The following TLN2 variants were observed in gnomAD, a reference collection of about 807,000 sequenced individuals.
The protein encoded by TLN2 is talin 2.
Under a neutral mutation model 294.7 loss-of-function variants are expected in TLN2, and 118 were observed. The ratio of observed to expected loss-of-function variants is 0.40; its 90% CI spans 0.34 to 0.47. The LOEUF (loss-of-function observed/expected upper bound fraction) is 0.47, where lower values mean the gene tolerates loss of function less well. TLN2 is among the 20% of genes least tolerant of loss of function. TLN2 has a pLI of 0.84. For missense variants in TLN2, 3,083 were observed against 3,282.2 expected (o/e 0.94, Z 1.48); for synonymous variants, 1,431 against 1,304.5 (o/e 1.10, Z -2.09).
At chr15:62,487,530 G>C (rs1156336678) in intron 1 of TLN2, among the ~76,000 whole-genome samples, 1 of 152,090 alleles carries the variant, frequency 6.6e-6, no homozygotes, top group African/African-American at 2.4e-5. Context: ...GTTCCCACTT[G>C]TCATTATAGA....
At chr15:62,546,777 C>A (rs984946343) in intron 1 of TLN2, among the ~76,000 whole-genome samples, 3 of 152,104 alleles carry the variant, frequency 2.0e-5, no homozygotes, top group Admixed American at 1.3e-4. Context: ...TCTCTAGCAG[C>A]CACATGGCTT....
intron 1 of TLN2, among the ~76,000 whole-genome samples, chr15:62,515,254 C>T (rs1356939222): frequency 6.6e-6 from 1 of 152,146 alleles, no homozygotes; most frequent in Admixed American, 6.5e-5. Flanking sequence ...GCTATTAGCT[C>T]AGCACTGTGT....
chr15:62,630,454 G>C (rs1356803095), intron 3 of TLN2, among the ~76,000 whole-genome samples: 1 of 152,162 alleles, frequency 6.6e-6, no homozygotes, highest in Non-Finnish European at 1.5e-5. Context: ...CGGTCATACT[G>C]GTGGGACTTA....
chr15:62,606,425 A>T (rs1342056917), intron 2 of TLN2, among the ~76,000 whole-genome samples: 1 of 152,064 alleles, frequency 6.6e-6, no homozygotes, highest in African/African-American at 2.4e-5. Context: ...AAATTATTGT[A>T]AATAATACCA....
intron 1 of TLN2, among the ~76,000 whole-genome samples, chr15:62,555,071 G>C (rs946402629): frequency 2.6e-5 from 4 of 151,986 alleles, no homozygotes; most frequent in Admixed American, 6.5e-5. Context: ...TACTCTTGGG[G>C]TGATTTTTGT....
At chr15:62,804,941 G>A (rs1011239284) in intron 50 of TLN2, among the ~76,000 whole-genome samples, 3 of 152,132 alleles carry the variant, frequency 2.0e-5, no homozygotes, top group Non-Finnish European at 4.4e-5. Context: ...CAGAACAGAT[G>A]AGCATGAAGC....
chr15:62,625,476 C>G (rs1229976691), intron 3 of TLN2, among the ~76,000 whole-genome samples: 2 of 152,104 alleles, frequency 1.3e-5, no homozygotes, highest in Non-Finnish European at 1.5e-5. Context: ...GTGGTTACAG[C>G]AAGAAATATG....
chr15:62,793,012 A>G (rs2065186553), intron 46 of TLN2, among the ~76,000 whole-genome samples: 1 of 152,204 alleles, frequency 6.6e-6, no homozygotes, highest in South Asian at 2.1e-4. Context: ...GGACTATCCC[A>G]TGAAGGTCAG....
In TLN2 at chr15:62,725,877, G is replaced by A. The variant is rs149246649; in HGVS notation, c.3255+773G>A. The stretch of plus-strand genomic sequence containing the variant: ...TTTGAGAGCTTCTGGCTCTTTGAAC[G>A]AACTGAAGACTTTTAGAATGTAAAG... On this transcript the variant is annotated intron_variant, in intron 27 of 58. Coordinates refer to ENST00000636159, the MANE Select transcript of TLN2 (RefSeq NM_015059.3). Among the ~76,000 whole-genome samples, 36 of 152,222 alleles carry A rather than the reference G, an allele frequency of 2.4e-4. No individual in the cohort carries two copies. In the East Asian group the frequency reaches 5.2e-3, roughly 22 times the overall value.
intron 25 of TLN2, among the ~76,000 whole-genome samples, chr15:62,721,422 T>A (rs1275008531): frequency 6.6e-6 from 1 of 152,186 alleles, no homozygotes; most frequent in Non-Finnish European, 1.5e-5. Context: ...ATGTTAAACA[T>A]TTTTCATAAG....
At chr15:62,712,365 CTAATT>C (rs1160031786) in intron 22 of TLN2, among the ~76,000 whole-genome samples, 1 of 152,172 alleles carries the variant, frequency 6.6e-6, no homozygotes, top group African/African-American at 2.4e-5. Flanking sequence ...AATGTGGTGA[CTAATT>C]TAAACCTGAG....
chr15:62,833,618 G>T lies in TLN2; in HGVS notation c.7117G>T (p.Ala2373Ser). The part of the protein sequence containing the change: ...SASAAQRELV[A>S]QGKVGSIPAN... ...CTCAGCAGCCCAGAGGGAGCTGGTG[G>T]CCCAAGGAAAGGTGGGTAAAGCCGC... is the stretch of plus-strand genomic sequence containing the variant. The change falls in exon 55 of 59, where the codon GCC becomes TCC. Residue 2373 changes from alanine (A) to serine (S), a missense_variant. Ala to Ser is a moderately conservative substitution (Grantham distance 99). Transcript: ENST00000636159. 6.2e-7 allele frequency: 1 copy of T among 1,613,954 alleles called. No individual in the cohort carries two copies. Among genetic ancestry groups the T allele is most frequent in the Non-Finnish European group, 8.5e-7 (1 of 1,179,950 alleles).
At chr15:62,399,935 T>C (rs887042577) in intron 1 of TLN2, among the ~76,000 whole-genome samples, 13 of 152,158 alleles carry the variant, frequency 8.5e-5, no homozygotes, top group Non-Finnish European at 4.4e-5. Context: ...TGATTATGTT[T>C]TGAAATGTGA....
chr15:62,760,684 T>G (rs6494350), intron 37 of TLN2, among the ~76,000 whole-genome samples: 149,551 of 152,254 alleles, frequency 0.98, 73,495 homozygotes, highest in Middle Eastern at 1. Context: ...GACCCTCTGT[T>G]AGCAGTCTAG....
intron 52 of TLN2, among the ~76,000 whole-genome samples, chr15:62,816,087 C>A (rs558600429): frequency 6.6e-6 from 1 of 152,224 alleles, no homozygotes; most frequent in African/African-American, 2.4e-5. Flanking sequence ...TAGTTAGAAC[C>A]TTTTGGTATT....
At chr15:62,604,291 G>T (rs2140793457) in intron 2 of TLN2, among the ~76,000 whole-genome samples, 1 of 152,020 alleles carries the variant, frequency 6.6e-6, no homozygotes, top group Admixed American at 6.6e-5. Flanking sequence ...TGAGGTGGGA[G>T]GATTACTTGA....
chr15:62,656,815 A>G (rs889461249), intron 8 of TLN2, among the ~76,000 whole-genome samples: 14 of 152,190 alleles, frequency 9.2e-5, no homozygotes, highest in African/African-American at 2.9e-4. Flanking sequence ...CAAGTATTAC[A>G]TATTGATAAA....
At chr15:62,805,052 C>T (rs2066180537) in intron 50 of TLN2, among the ~76,000 whole-genome samples, 1 of 152,146 alleles carries the variant, frequency 6.6e-6, no homozygotes, top group African/African-American at 2.4e-5. Flanking sequence ...CCATGGCGCA[C>T]TCGACGTGAA....
In TLN2 at chr15:62,677,820, T is replaced by TTTTTTTTTTG. The variant is rs1354559481; in HGVS notation, c.957+2500_957+2501insTTTTTTTTGT. 7.6e-5 allele frequency among the ~76,000 whole-genome samples: 11 copies of TTTTTTTTTTG among 144,462 alleles called. 1 individual carries two copies. The highest frequency in any genetic ancestry group is 2.6e-4 in the African/African-American group (10 of 38,782). The allele number at this position is 144,462 out of a possible 152,430, so 94.8% of individuals were successfully genotyped here. A position where few individuals can be genotyped will look rare whatever the true frequency, so the allele number is the denominator to read the frequency against. On this transcript the variant is annotated intron_variant, in intron 11 of 58. Transcript: ENST00000636159. ...AGCACTTGCAACTTTTTTTTTTTTTTTGAGACGGAGATTCACCCAGGCTAG... is the reference window on the plus strand; with the variant it reads ...AGCACTTGCAACTTTTTTTTTTTTTTTTTTTTTTTGTGAGACGGAGATTCACCCAGGCTAG...
Sources: gnomAD v4.1 joint callset for allele counts (sites outside exome capture counted in the v4.1 genomes callset) on GRCh38, gnomAD v4.1.1 for gene constraint, MANE v1.5 for transcripts, NCBI Gene and HGNC (gene_info 2026-07-23, HGNC 2026-07-21) for gene names.